The following UTP20 variants were observed in gnomAD, a reference collection of about 807,000 sequenced individuals.
The protein encoded by UTP20 is small subunit processome component 20 homolog.
A neutral mutation model predicts 329.5 loss-of-function variants in UTP20; 164 were observed. The observed-to-expected ratio is 0.50, with a 90% confidence interval of 0.44 to 0.57. UTP20 has a LOEUF of 0.57. Among genes scored for constraint, UTP20 ranks in the 20% least tolerant of loss-of-function variants. The probability of loss-of-function intolerance (pLI) is 0.00; values close to 1 mark genes in which losing one functional copy is unlikely to be tolerated. For synonymous variants in UTP20, 1,151 were observed against 1,159.3 expected (o/e 0.99, Z 0.14); for missense variants, 3,055 against 3,284.2 (o/e 0.93, Z 1.71).
intron 38 of UTP20, among the ~76,000 whole-genome samples, chr12:101,349,193 G>A (rs1869435402): frequency 6.6e-6 from 1 of 151,476 alleles, no homozygotes; most frequent in East Asian, 1.9e-4. Flanking sequence ...GTTTTTTGTT[G>A]TTATTGTATG....
chr12:101,357,100 C>A lies in UTP20; in HGVS notation c.5691+18C>A. On this transcript the variant is annotated intron_variant, in intron 43 of 61. Transcript: ENST00000261637. ...GATACCAGGTAAATTGCATCTTGTG[C>A]TTTATATTCAAGTTGTATTGGAGTT... 1 of 1,594,410 alleles carries A rather than the reference C, an allele frequency of 6.3e-7. No homozygotes were observed. The highest frequency in any genetic ancestry group is 1.1e-5 in the South Asian group (1 of 87,770).
At position 101,293,159 on chromosome 12, in the gene UTP20, T is replaced by C. The variant is rs377444904; in HGVS notation, c.1174-9T>C. 167 of 1,613,266 alleles carry C rather than the reference T, an allele frequency of 1.0e-4. No individual in the cohort carries two copies. Among genetic ancestry groups the C allele is most frequent in the Non-Finnish European group, 1.4e-4 (163 of 1,179,392 alleles). ...GTACTTACATTAATATTTTTTACCTTGGTCACAGATATTTGAGAGCAGATT... is the reference window on the plus strand; with the variant it reads ...GTACTTACATTAATATTTTTTACCTCGGTCACAGATATTTGAGAGCAGATT... On this transcript the variant is annotated splice_polypyrimidine_tract_variant and intron_variant, in intron 10 of 61. Transcript: ENST00000261637.
chr12:101,355,236 C>G, intron 41 of UTP20, 118 bp downstream of exon 41: 1 of 1,182,906 alleles, frequency 8.5e-7, no homozygotes, highest in Non-Finnish European at 1.2e-6. Context: ...TTCCTTTTAT[C>G]TCAACACTTC....
At chr12:101,302,958 A>G (rs1872560037) in intron 15 of UTP20, among the ~76,000 whole-genome samples, 1 of 152,144 alleles carries the variant, frequency 6.6e-6, no homozygotes, top group African/African-American at 2.4e-5. Context: ...TTTTTACTAC[A>G]CACTGAAACA....
At chr12:101,373,191 T>C (rs988474125) in intron 52 of UTP20, among the ~76,000 whole-genome samples, 1 of 152,174 alleles carries the variant, frequency 6.6e-6, no homozygotes, top group Non-Finnish European at 1.5e-5. Context: ...AAGAGTCCAC[T>C]TAGGAGAATG....
At chr12:101,358,232 T>G (rs1337257321) in intron 43 of UTP20, among the ~76,000 whole-genome samples, 1 of 152,208 alleles carries the variant, frequency 6.6e-6, no homozygotes, top group Admixed American at 6.5e-5. Flanking sequence ...TATATTTCAA[T>G]AGTCTACTGA....
rs370434709 is a variant in UTP20 at position 101,367,985 on chromosome 12, C to T, written c.6384+9C>T. On this transcript the variant is annotated intron_variant, in intron 48 of 61. Transcript: ENST00000261637. Reference sequence around the variant, plus strand: ...GCTCCATGGATGTGAAGGTAAGCATCGGTTTGCACTCTGCATTGGAGCATT... The same window carrying T: ...GCTCCATGGATGTGAAGGTAAGCATTGGTTTGCACTCTGCATTGGAGCATT... The T allele has an allele frequency of 2.2e-5, 34 of 1,557,710 alleles. No homozygotes were observed. The highest frequency in any genetic ancestry group is 1.5e-4 in the African/African-American group (11 of 73,864).
chr12:101,297,787 G>C (rs1338382923), intron 12 of UTP20, among the ~76,000 whole-genome samples: 1 of 152,126 alleles, frequency 6.6e-6, no homozygotes, highest in Non-Finnish European at 1.5e-5. Flanking sequence ...GCTTCCATGA[G>C]GTGAAGCTAA....
intron 11 of UTP20, among the ~76,000 whole-genome samples, chr12:101,294,267 C>T (rs11608415): frequency 0.19 from 28,718 of 151,962 alleles, 3,087 homozygotes; most frequent in East Asian, 0.37. Flanking sequence ...GATCTCCTGA[C>T]CTTGTGATCT....
At chr12:101,280,699 T>G (rs1871767263) in intron 1 of UTP20, among the ~76,000 whole-genome samples, 1 of 152,226 alleles carries the variant, frequency 6.6e-6, no homozygotes, top group South Asian at 2.1e-4. Flanking sequence ...TATACAGCGC[T>G]TTCTCTGTTT....
chr12:101,320,725 C>T (rs1873122708), intron 23 of UTP20, 127 bp from the exon 24 acceptor site: 1 of 588,982 alleles, frequency 1.7e-6, no homozygotes, highest in East Asian at 3.3e-5. Flanking sequence ...TGTTAGCAAT[C>T]AGGTTTAGGT....
chr12:101,281,038 C>A, intron 1 of UTP20, 78 bp from the exon 2 acceptor site: 2 of 1,219,494 alleles, frequency 1.6e-6, no homozygotes, highest in Non-Finnish European at 2.3e-6. Context: ...GAGATGCCTA[C>A]ATGCAGCATT....
rs1872689380 is a variant in UTP20 at position 101,308,230 on chromosome 12, C to T, written c.2041C>T (p.Gln681Ter). 1.9e-6 allele frequency: 3 copies of T among 1,612,568 alleles called. No homozygotes were observed. The highest frequency in any genetic ancestry group is 2.5e-6 in the Non-Finnish European group (3 of 1,179,340). ...ERQSVFAILR[Q>*]AELVPATVND... ...GCAGTCTGTCTTTGCTATATTACGC[C>T]AGGCAGAACTTGTTCCAGCAACTGT... Residue 681 changes from glutamine to a stop codon, truncating the protein, a stop_gained, in exon 18 of 62, where the codon CAG becomes TAG. Coordinates refer to ENST00000261637, the MANE Select transcript of UTP20 (RefSeq NM_014503.3). LOFTEE classifies it high-confidence loss of function.
chr12:101,351,416 C>T (rs767243963), intron 38 of UTP20, among the ~76,000 whole-genome samples: 2 of 152,058 alleles, frequency 1.3e-5, no homozygotes, highest in Non-Finnish European at 2.9e-5. Context: ...TGTGCCACCG[C>T]GCCTGGTCCG....
rs143303905 is a variant in UTP20, at chr12:101,386,050, A to C, written c.8285A>C (p.Glu2762Ala). Residue 2762 changes from glutamate to alanine, a missense_variant, in exon 62 of 62, where the codon GAG (glutamate) becomes GCG (alanine). By Grantham distance (107) the Glu-to-Ala change is moderately radical. Around this residue, in one of 3 missense-constraint regions of UTP20, gnomAD observed 337 missense variants for 345.5 expected, o/e 0.98. Transcript: ENST00000261637. ...NKSEAKKRKI[E>A]FLRPGYKAKR... ...AGTGAAGCAAAGAAGAGAAAGATAG[A>C]GTTCCTGCGTCCAGGATATAAGGCC... The C allele has an allele frequency of 1.4e-5, 23 of 1,609,274 alleles. No individual in the cohort carries two copies. Among genetic ancestry groups the C allele is most frequent in the Non-Finnish European group, 1.8e-5 (21 of 1,179,216 alleles).
chr12:101,368,465 A>G (rs1249774539), intron 48 of UTP20, among the ~76,000 whole-genome samples: 7 of 152,052 alleles, frequency 4.6e-5, no homozygotes, highest in Non-Finnish European at 1.0e-4. Flanking sequence ...GATTTATGAC[A>G]TCGTGAACCA....
chr12:101,346,688 A>T, intron 38 of UTP20, 100 bp downstream of exon 38: 10 of 1,228,912 alleles, frequency 8.1e-6, no homozygotes, highest in Non-Finnish European at 1.1e-5. Context: ...TGATGTCATC[A>T]CCATAATTAG....
chr12:101,363,632 C>T lies in UTP20; in HGVS notation c.5847C>T (p.Ile1949=). Residue 1949 remains isoleucine (I), a synonymous_variant, in exon 45 of 62, where the codon ATC becomes ATT. Coordinates refer to ENST00000261637, the MANE Select transcript of UTP20 (RefSeq NM_014503.3). ...AVAEEKEVKQ[I]LSKVMEARRS... is the part of the protein sequence containing the mutation. ...CTGAAGAGAAGGAAGTAAAGCAGAT[C>T]CTCTCCAAAGTCATGGAAGCACGAA... The T allele has an allele frequency of 6.2e-7, 1 of 1,614,020 alleles. No individual in the cohort carries two copies. The highest frequency in any genetic ancestry group is 1.1e-5 in the South Asian group (1 of 91,060).
In UTP20 at chr12:101,342,558, T is replaced by G. The variant is rs1248025038; in HGVS notation, c.4214T>G (p.Leu1405Trp). The G allele has an allele frequency of 6.2e-7, 1 of 1,613,274 alleles. No individual in the cohort carries two copies. Among genetic ancestry groups the G allele is most frequent in the Non-Finnish European group, 8.5e-7 (1 of 1,179,800 alleles). The part of the protein sequence containing the change: ...AKLFSVIKNK[L>W]SRKLLCTVFE... ...CTTTTCTCAGTTATTAAGAACAAATTGTCAAGAAAATTGCTTTGTACGGTT... is the reference window on the plus strand; with the variant it reads ...CTTTTCTCAGTTATTAAGAACAAATGGTCAAGAAAATTGCTTTGTACGGTT... The change falls in exon 33 of 62, where the codon TTG (leucine) becomes TGG (tryptophan). Residue 1405 changes from leucine to tryptophan, a missense_variant. Coordinates refer to ENST00000261637, the MANE Select transcript of UTP20 (RefSeq NM_014503.3).
Sources: gnomAD v4.1 joint callset for allele counts (sites outside exome capture counted in the v4.1 genomes callset) on GRCh38, gnomAD v4.1.1 for gene constraint, gnomAD v4.1.1 regional missense constraint, MANE v1.5 for transcripts, NCBI Gene and HGNC (gene_info 2026-07-23, HGNC 2026-07-21) for gene names.